The following LPP variants were observed in gnomAD, a reference collection of about 807,000 sequenced individuals.
LPP encodes LIM domain containing preferred translocation partner in lipoma, also known as lipoma-preferred partner.
In LPP, 38 loss-of-function variants were observed where a neutral mutation model predicts 60.4. The observed-to-expected ratio is 0.63, with a 90% CI of 0.49 to 0.83. The LOEUF (loss-of-function observed/expected upper bound fraction) is 0.83, where lower values mean the gene tolerates loss of function less well. Ranked by LOEUF, LPP falls within the 40% of genes least tolerant of loss-of-function variation. The pLI, the probability that LPP is intolerant of heterozygous loss-of-function variation, is 0.00. For synonymous variants in LPP, 328 were observed against 290.8 expected, an observed-to-expected ratio of 1.13 and a Z score of -1.30; for missense variants, 902 against 783.6, an observed-to-expected ratio of 1.15 and a Z score of -1.80.
intron 4 of LPP, among the ~76,000 whole-genome samples, chr3:188,407,774 T>TGTG (rs200794374): frequency 3.2e-5 from 1 of 31,672 alleles, no homozygotes; most frequent in Middle Eastern, 0.05. Flanking sequence ...TATGGTTTTT[T>TGTG]TTTTTGTTTG....
chr3:188,675,347 C>T (rs1016868385), intron 7 of LPP, among the ~76,000 whole-genome samples: 1 of 152,190 alleles, frequency 6.6e-6, no homozygotes, highest in Admixed American at 6.5e-5. Flanking sequence ...CTTCATTTTT[C>T]ATTAGTTGGC....
chr3:188,483,082 A>T (rs758855330), intron 4 of LPP, among the ~76,000 whole-genome samples: 5 of 152,156 alleles, frequency 3.3e-5, no homozygotes, highest in African/African-American at 4.8e-5. Context: ...AGTGTATGAA[A>T]ATCTTAGCAA....
intron 3 of LPP, among the ~76,000 whole-genome samples, chr3:188,348,063 T>C (rs1158597722): frequency 6.6e-6 from 1 of 152,210 alleles, no homozygotes; most frequent in Non-Finnish European, 1.5e-5. Flanking sequence ...GCAGGATTAG[T>C]TGTGTGGCCT....
At chr3:188,461,020 G>A (rs1282499250) in intron 4 of LPP, among the ~76,000 whole-genome samples, 1 of 152,138 alleles carries the variant, frequency 6.6e-6, no homozygotes, top group African/African-American at 2.4e-5. Flanking sequence ...TGATAATCAG[G>A]GATACCAGAG....
intron 1 of LPP, among the ~76,000 whole-genome samples, chr3:188,188,270 G>C (rs1433049290): frequency 6.6e-6 from 1 of 152,154 alleles, no homozygotes; most frequent in Non-Finnish European, 1.5e-5. Flanking sequence ...TTGGAAAGGA[G>C]CAGTAAGAAT....
chr3:188,170,027 C>G (rs1435555263), intron 1 of LPP, among the ~76,000 whole-genome samples: 2 of 152,150 alleles, frequency 1.3e-5, no homozygotes, highest in African/African-American at 2.4e-5. Flanking sequence ...AGAGCATCAT[C>G]GGGAACAGAA....
In LPP at chr3:188,876,545, T is replaced by C. The variant is rs1178886915; in HGVS notation, c.*2066T>C. The C allele has an allele frequency of 9.8e-6, 2 of 204,868 alleles. No homozygotes were observed. Among genetic ancestry groups the C allele is most frequent in the African/African-American group, 4.6e-5 (2 of 43,754 alleles). 12.7% of individuals were successfully genotyped at this position (204,868 alleles called of 1,614,324 possible). ...TGTCTCTGAATTCCTGTCTTCCAAA[T>C]TGAAGCCAGACCATGCTGATGACCT... is the stretch of plus-strand genomic sequence containing the variant. On this transcript the variant is annotated 3_prime_UTR_variant, in exon 12 of 12. Transcript: ENST00000617246.
chr3:188,227,861 G>T (rs1293514150), intron 2 of LPP, among the ~76,000 whole-genome samples: 1 of 152,220 alleles, frequency 6.6e-6, no homozygotes, highest in African/African-American at 2.4e-5. Flanking sequence ...GAAGCCAAGA[G>T]AATGGGATTA....
chr3:188,780,520 G>C (rs571181107), intron 9 of LPP, among the ~76,000 whole-genome samples: 1 of 152,332 alleles, frequency 6.6e-6, no homozygotes, highest in East Asian at 1.9e-4. Context: ...CATCTGTGAA[G>C]TTGGGGAAGG....
At chr3:188,870,769 G>A (rs1228194972) in intron 10 of LPP, among the ~76,000 whole-genome samples, 1 of 152,190 alleles carries the variant, frequency 6.6e-6, no homozygotes, top group Non-Finnish European at 1.5e-5. Flanking sequence ...GAACACTGTG[G>A]GGACTATGAG....
At chr3:188,304,678 A>C (rs1272867951) in intron 2 of LPP, among the ~76,000 whole-genome samples, 1 of 152,230 alleles carries the variant, frequency 6.6e-6, no homozygotes, top group Non-Finnish European at 1.5e-5. Flanking sequence ...GCATGTGTTC[A>C]GCAAATAATT....
At chr3:188,857,080 C>G (rs1222901254) in intron 9 of LPP, among the ~76,000 whole-genome samples, 3 of 152,124 alleles carry the variant, frequency 2.0e-5, no homozygotes, top group Non-Finnish European at 4.4e-5. Flanking sequence ...AGAAACCATG[C>G]CATCTGCGTC....
chr3:188,644,611 T>C (rs1217752319), intron 7 of LPP, among the ~76,000 whole-genome samples: 1 of 152,136 alleles, frequency 6.6e-6, no homozygotes, highest in African/African-American at 2.4e-5. Context: ...TATTATTTAT[T>C]CCAAGCTTTA....
chr3:188,760,447 T>C lies in LPP; in HGVS notation c.1410+165T>C, dbSNP rs9844854. On this transcript the variant is annotated intron_variant, in intron 9 of 11. Coordinates refer to ENST00000617246, the MANE Select transcript of LPP (RefSeq NM_001375462.1). ...GTGTGTGTGTGTGTGCGTGCGCGCATGTAAATTAGCATATTGTAATTTTTT... is the reference window on the plus strand; with the variant it reads ...GTGTGTGTGTGTGTGCGTGCGCGCACGTAAATTAGCATATTGTAATTTTTT... 0.84 allele frequency among the ~76,000 whole-genome samples: 126,932 copies of C among 151,192 alleles called. 53,380 individuals are homozygous for C. Among genetic ancestry groups the C allele is most frequent in the Middle Eastern group, 0.9 (264 of 294 alleles).
At chr3:188,273,246 G>A (rs1430372807) in intron 2 of LPP, among the ~76,000 whole-genome samples, 1 of 152,200 alleles carries the variant, frequency 6.6e-6, no homozygotes, top group Non-Finnish European at 1.5e-5. Context: ...TTGGTGGGGT[G>A]ATATGTCAGT....
At chr3:188,353,795 A>ACT (rs1333530562) in intron 3 of LPP, among the ~76,000 whole-genome samples, 1 of 152,196 alleles carries the variant, frequency 6.6e-6, no homozygotes, top group East Asian at 1.9e-4. Context: ...CAGAAGGAAA[A>ACT]TACTGCATTT....
intron 8 of LPP, among the ~76,000 whole-genome samples, chr3:188,726,780 T>A (rs1718564488): frequency 6.6e-6 from 1 of 152,138 alleles, no homozygotes; most frequent in South Asian, 2.1e-4. Flanking sequence ...AATAGCAACA[T>A]AAACATTTAC....
At chr3:188,346,772 A>G (rs1418802980) in intron 3 of LPP, among the ~76,000 whole-genome samples, 1 of 152,186 alleles carries the variant, frequency 6.6e-6, no homozygotes, top group African/African-American at 2.4e-5. Context: ...TGAGTTAAGC[A>G]AAAGTTTTCA....
chr3:188,428,670 A>G (rs1465186696), intron 4 of LPP, among the ~76,000 whole-genome samples: 1 of 151,608 alleles, frequency 6.6e-6, no homozygotes, highest in East Asian at 1.9e-4. Flanking sequence ...TTGAATTCAT[A>G]TAATCACTGT....
Sources: gnomAD v4.1 joint callset for allele counts (sites outside exome capture counted in the v4.1 genomes callset) on GRCh38, gnomAD v4.1.1 for gene constraint, MANE v1.5 for transcripts, NCBI Gene and HGNC (gene_info 2026-07-23, HGNC 2026-07-21) for gene names.